FAM83E: variants seen among roughly 807,000 people sequenced by gnomAD.
FAM83E encodes the protein scaffolding CK1 anchoring protein E, also known as protein FAM83E.
A neutral mutation model predicts 34.3 loss-of-function variants in FAM83E; 29 were observed. The ratio of observed to expected loss-of-function variants is 0.85; its 90% CI spans 0.63 to 1.15. The LOEUF (loss-of-function observed/expected upper bound fraction) is 1.15. FAM83E is among the 50% of genes most tolerant of loss of function. FAM83E has a pLI of 0.00. For missense variants in FAM83E, 697 were observed against 685.0 expected, an observed-to-expected ratio of 1.02 and a Z score of -0.20; for synonymous variants, 312 against 311.6, an observed-to-expected ratio of 1.00 and a Z score of -0.01.
In FAM83E at chr19:48,604,387, G is replaced by C. The variant is rs112805035; in HGVS notation, c.759-476C>G. Reference sequence around the variant, plus strand: ...CTCTTTTTGCCCAGGCTGGAGTGTAGTGGCATGATCTCGGCTCACTGCAAC... The same window carrying C: ...CTCTTTTTGCCCAGGCTGGAGTGTACTGGCATGATCTCGGCTCACTGCAAC... On this transcript the variant is annotated intron_variant, in intron 5 of 6. Coordinates refer to ENST00000263266, the MANE Select transcript of FAM83E (RefSeq NM_017708.4). 3.5e-5 allele frequency among the ~76,000 whole-genome samples: 5 copies of C among 143,240 alleles called. No homozygotes were observed. In the Admixed American group the frequency reaches 3.6e-4, roughly 10 times the overall value. 94.0% of individuals were successfully genotyped at this position (143,240 alleles called of 152,430 possible).
Position 48,603,838 on chromosome 19 carries a change from T to A in FAM83E, c.832A>T (p.Ser278Cys), listed in dbSNP as rs1461172374. The change falls in exon 6 of 7, where the codon AGC becomes TGC. Residue 278 changes from serine (S) to cysteine (C), a missense_variant. Coordinates refer to ENST00000263266, the MANE Select transcript of FAM83E (RefSeq NM_017708.4). ...LLTGEIVDAF[S>C]LEFRTLYAAS... ...GCGTACAGCGTCCGGAACTCAAGGC[T>A]GAAGGCGTCAACAATTTCACCAGTC... The A allele has an allele frequency of 6.2e-7, 1 of 1,609,060 alleles. No homozygotes were observed. The highest frequency in any genetic ancestry group is 1.1e-5 in the South Asian group (1 of 90,322).
rs1427600343 is a variant in FAM83E, at chr19:48,614,116, C to T, written c.-744G>A. ...TCTCCACTGGGCCTGCTCGCTCAGC[C>T]TTAAAGGCCGAAGGCTTGGCAAACC... On this transcript the variant is annotated 5_prime_UTR_variant, in exon 3 of 7. Coordinates refer to ENST00000263266, the MANE Select transcript of FAM83E (RefSeq NM_017708.4). 5.1e-6 allele frequency: 5 copies of T among 985,636 alleles called. No individual in the cohort carries two copies. Among genetic ancestry groups the T allele is most frequent in the Non-Finnish European group, 4.8e-6 (4 of 830,172 alleles). 61.1% of individuals were successfully genotyped at this position (985,636 alleles called of 1,614,324 possible).
chr19:48,605,974 G>A (rs1439110466), intron 5 of FAM83E, among the ~76,000 whole-genome samples: 1 of 152,114 alleles, frequency 6.6e-6, no homozygotes, highest in Non-Finnish European at 1.5e-5. Context: ...GTGGGGGCCG[G>A]TGCCCTAACA....
chr19:48,602,937 C>T (rs1429484197), intron 6 of FAM83E, among the ~76,000 whole-genome samples: 4 of 149,298 alleles, frequency 2.7e-5, no homozygotes, highest in Non-Finnish European at 5.9e-5. Flanking sequence ...CTGCAACCGC[C>T]GCCTCCCTGG....
At chr19:48,612,315 C>A (rs994622587) in intron 3 of FAM83E, among the ~76,000 whole-genome samples, 1 of 151,640 alleles carries the variant, frequency 6.6e-6, no homozygotes, top group Non-Finnish European at 1.5e-5. Flanking sequence ...GGGGGAATGA[C>A]TGAGACTGGG....
At position 48,613,924 on chromosome 19, in the gene FAM83E, G is replaced by C; in HGVS notation, c.-552C>G. ...AGGTTGCCTGCCTGCCCCCGGCCAA[G>C]AGCACGACGAACTGACCCTCTCCTT... is the stretch of plus-strand genomic sequence containing the variant. On this transcript the variant is annotated 5_prime_UTR_variant, in exon 3 of 7. Coordinates refer to ENST00000263266, the MANE Select transcript of FAM83E (RefSeq NM_017708.4). 1.0e-6 allele frequency: 1 copy of C among 985,436 alleles called. No individual in the cohort carries two copies. Among genetic ancestry groups the C allele is most frequent in the Non-Finnish European group, 1.2e-6 (1 of 829,938 alleles). The allele number at this position is 985,436 out of a possible 1,614,324, so 61.0% of individuals were successfully genotyped here. A position where few individuals can be genotyped will look rare whatever the true frequency, so the allele number is the denominator to read the frequency against.
At chr19:48,603,937 G>A in intron 5 of FAM83E, 26 bp from the exon 6 acceptor site, 1 of 1,586,522 alleles carries the variant, frequency 6.3e-7, no homozygotes, top group Non-Finnish European at 8.6e-7. Flanking sequence ...TAGGGGGTCA[G>A]AGTCTCCAAC....
At position 48,603,906 on chromosome 19, in the gene FAM83E, G is replaced by A. The variant is rs750265216; in HGVS notation, c.764C>T (p.Thr255Met). The A allele has an allele frequency of 5.0e-6, 8 of 1,594,616 alleles. No individual in the cohort carries two copies. The highest frequency in any genetic ancestry group is 2.3e-5 in the South Asian group (2 of 88,540). Residue 255 changes from threonine (T) to methionine (M), a missense_variant, in exon 6 of 7, where the codon ACG becomes ATG. Coordinates refer to ENST00000263266, the MANE Select transcript of FAM83E (RefSeq NM_017708.4). ...ERVISGSYSFTWSDARLHRGL... is the reference protein window; with the variant it reads ...ERVISGSYSFMWSDARLHRGL... ...TCGGTGCAGGCGTGCGTCACTCCACGTGAAGCTGGGGGTCGGGGAGTAGGG... is the reference window on the plus strand; with the variant it reads ...TCGGTGCAGGCGTGCGTCACTCCACATGAAGCTGGGGGTCGGGGAGTAGGG...
Position 48,613,235 on chromosome 19 carries a change from G to A in FAM83E, c.138C>T (p.Phe46=), listed in dbSNP as rs1183602867. ...GCTCCTCGCGCTGCACGCAGGTCTG[G>A]AACGCCTCCGCGCCCTTGCTCAACA... ...EALLSKGAEA[F]QTCVQREELW... Residue 46 remains phenylalanine, a synonymous_variant, in exon 3 of 7, where the codon TTC becomes TTT. Coordinates refer to ENST00000263266, the MANE Select transcript of FAM83E (RefSeq NM_017708.4). 35 of 1,610,458 alleles carry A rather than the reference G, an allele frequency of 2.2e-5. No individual in the cohort carries two copies. Among genetic ancestry groups the A allele is most frequent in the African/African-American group, 8.0e-5 (6 of 74,932 alleles).
chr19:48,606,933 G>C, intron 5 of FAM83E: 1 of 1,585,242 alleles, frequency 6.3e-7, no homozygotes, highest in Non-Finnish European at 8.5e-7. Context: ...GGAGGTCTGG[G>C]AAGCCCACGG....
At chr19:48,610,902 A>G in intron 3 of FAM83E, 55 bp from the exon 4 acceptor site, 1 of 1,524,432 alleles carries the variant, frequency 6.6e-7, no homozygotes, top group Non-Finnish European at 8.9e-7. Context: ...CTCAGGGGAC[A>G]CTCAGAGGGT....
rs758345361 is a variant in FAM83E at position 48,601,268 on chromosome 19, C to T, written c.1278G>A (p.Pro426=). 55 of 1,592,776 alleles carry T rather than the reference C, an allele frequency of 3.5e-5. No homozygotes were observed. Among genetic ancestry groups the T allele is most frequent in the African/African-American group, 1.9e-4 (14 of 74,478 alleles). ...GPWGEVDSRP[P]WGGALPLPPA... Reference sequence around the variant, plus strand: ...GGGGCAGGGGCAGGGCACCGCCCCACGGAGGTCGGGAGTCCACTTCCCCCC... The same window carrying T: ...GGGGCAGGGGCAGGGCACCGCCCCATGGAGGTCGGGAGTCCACTTCCCCCC... Residue 426 remains proline, a synonymous_variant, in exon 7 of 7, where the codon CCG becomes CCA. Transcript: ENST00000263266.
intron 5 of FAM83E, chr19:48,606,801 T>G: frequency 1.4e-6 from 1 of 708,128 alleles, no homozygotes; most frequent in Non-Finnish European, 2.3e-6. Flanking sequence ...CCCCAGGACT[T>G]AGAGGGACGC....
At chr19:48,610,567 C>A in intron 4 of FAM83E, 113 bp downstream of exon 4, 1 of 1,269,064 alleles carries the variant, frequency 7.9e-7, no homozygotes, top group South Asian at 1.5e-5. Flanking sequence ...TCCCAGGGGA[C>A]CATCCCTGCT....
rs944446223 is a variant in FAM83E, at chr19:48,600,265, T to G, written c.*844A>C. Among the ~76,000 whole-genome samples, 1 of 152,230 alleles carries G rather than the reference T, an allele frequency of 6.6e-6. No individual in the cohort carries two copies. The highest frequency in any genetic ancestry group is 1.5e-5 in the Non-Finnish European group (1 of 68,036). On this transcript the variant is annotated 3_prime_UTR_variant, in exon 7 of 7. Transcript: ENST00000263266. ...TGTGTGTGTCTTCTTTAGGATCCGCTGCCTGGGGACGCTGCCAGCCCATCT... is the reference window on the plus strand; with the variant it reads ...TGTGTGTGTCTTCTTTAGGATCCGCGGCCTGGGGACGCTGCCAGCCCATCT...
chr19:48,613,025 CCAGCCCA>C lies in FAM83E; in HGVS notation c.341_347del (p.Leu114ArgfsTer90). 1 of 1,602,032 alleles carries C rather than the reference CCAGCCCA, an allele frequency of 6.2e-7. No homozygotes were observed. The highest frequency in any genetic ancestry group is 8.5e-7 in the Non-Finnish European group (1 of 1,175,658). On this transcript the variant is annotated frameshift_variant, in exon 3 of 7. Transcript: ENST00000263266. LOFTEE classifies it high-confidence loss of function. ...TGCCTTTCCACGCAGAGTCCACTGG[CCAGCCCA>C]GCCGCAGGACGGGCGCCGGCTGCTC... is the stretch of plus-strand genomic sequence containing the variant.
intron 5 of FAM83E, among the ~76,000 whole-genome samples, chr19:48,605,272 T>C (rs1429042454): frequency 6.6e-6 from 1 of 152,004 alleles, no homozygotes; most frequent in African/African-American, 2.4e-5. Flanking sequence ...ATCTGCAATC[T>C]GGAGCAAAAA....
At chr19:48,612,221 G>C (rs1313135105) in intron 3 of FAM83E, among the ~76,000 whole-genome samples, 4 of 152,120 alleles carry the variant, frequency 2.6e-5, no homozygotes, top group Non-Finnish European at 5.9e-5. Flanking sequence ...GAAGTACACA[G>C]CAGGCTTTCC....
At position 48,602,686 on chromosome 19, in the gene FAM83E, C is replaced by CAAAAAAAAAAAA. The variant is rs746923737; in HGVS notation, c.1176+796_1176+807dup. 6.0e-4 allele frequency among the ~76,000 whole-genome samples: 3 copies of CAAAAAAAAAAAA among 5,014 alleles called. 1 individual carries two copies. The highest frequency in any genetic ancestry group is 9.3e-4 in the African/African-American group (1 of 1,074). 3.3% of individuals were successfully genotyped at this position (5,014 alleles called of 152,430 possible). On this transcript the variant is annotated intron_variant, in intron 6 of 6. Coordinates refer to ENST00000263266, the MANE Select transcript of FAM83E (RefSeq NM_017708.4). ...GGCATTGCAGAGCAAGACCCTATCT[C>CAAAAAAAAAAAA]AAAAAAAAAAAAAAAAAAATATATA...
Sources: gnomAD v4.1 joint callset for allele counts (sites outside exome capture counted in the v4.1 genomes callset) on GRCh38, gnomAD v4.1.1 for gene constraint, MANE v1.5 for transcripts, NCBI Gene and HGNC (gene_info 2026-07-23, HGNC 2026-07-21) for gene names.